Variants in ANXA8 observed in about 807,000 individuals in gnomAD.
ANXA8 encodes annexin A8.
ANXA8 carries 9 observed loss-of-function variants against 26.8 expected under a neutral mutation model. That is an observed-to-expected ratio of 0.34 (90% CI 0.20 to 0.59). The LOEUF is 0.59. Ranked by LOEUF, ANXA8 falls within the 20% of genes least tolerant of loss-of-function variation. ANXA8 has a pLI of 0.84. For synonymous variants in ANXA8, 39 were observed against 94.8 expected, an observed-to-expected ratio of 0.41 and a Z score of 3.42; for missense variants, 83 against 238.5, an observed-to-expected ratio of 0.35 and a Z score of 4.29.
the ANXA8 span, among the ~76,000 whole-genome samples, chr10:47,947,866 G>A: frequency 5.3e-5 from 8 of 150,764 alleles, 1 homozygote; most frequent in East Asian, 1.6e-3. Context: ...GGTTGTGGAT[G>A]TCTATCATGA....
the ANXA8 span, among the ~76,000 whole-genome samples, chr10:47,772,928 ATCC>A: frequency 3.0e-5 from 1 of 33,178 alleles, no homozygotes; most frequent in Non-Finnish European, 6.0e-5. Context: ...CTCCCTCATC[ATCC>A]TCCTTCACCT....
chr10:47,733,190 T>TTTCC, the ANXA8 span, among the ~76,000 whole-genome samples: 1 of 116,000 alleles, frequency 8.6e-6, no homozygotes, highest in African/African-American at 2.9e-5. Context: ...TCTTTCTTTC[T>TTTCC]TTCTTTCTTT....
At chr10:47,627,967 C>T in the ANXA8 span, among the ~76,000 whole-genome samples, 1 of 149,874 alleles carries the variant, frequency 6.7e-6, no homozygotes, top group Non-Finnish European at 1.5e-5. Context: ...GCTCTTATGA[C>T]TAGAGAGTGT....
At chr10:47,952,684 C>A in the ANXA8 span, among the ~76,000 whole-genome samples, 21 of 147,000 alleles carry the variant, frequency 1.4e-4, no homozygotes, top group African/African-American at 5.6e-4. Flanking sequence ...CTAGAATAAT[C>A]AAAGCAATTT....
the ANXA8 span, among the ~76,000 whole-genome samples, chr10:47,558,113 A>G: frequency 6.6e-6 from 1 of 151,982 alleles, no homozygotes; most frequent in African/African-American, 2.4e-5. Flanking sequence ...AAACATCTGG[A>G]TACCAGTTAA....
chr10:47,533,082 A>G, the ANXA8 span, among the ~76,000 whole-genome samples: 4 of 142,438 alleles, frequency 2.8e-5, no homozygotes, highest in East Asian at 9.2e-4. Context: ...AGGCCCCAGG[A>G]CCCTTAAGCC....
At chr10:47,581,103 A>G in the ANXA8 span, 1 of 192,376 alleles carries the variant, frequency 5.2e-6, no homozygotes, top group Non-Finnish European at 1.1e-5. Context: ...AAATTATACA[A>G]AAAAAAAAAG....
At chr10:47,987,083 T>C in the ANXA8 span, 1 of 446,350 alleles carries the variant, frequency 2.2e-6, no homozygotes, top group Non-Finnish European at 4.5e-6. Context: ...AAAGGCAGCC[T>C]GGGTACCCAG....
chr10:47,724,206 G>A, the ANXA8 span, among the ~76,000 whole-genome samples: 1 of 132,080 alleles, frequency 7.6e-6, no homozygotes, highest in Non-Finnish European at 1.6e-5. Flanking sequence ...AACCAAAATG[G>A]AAAGTCAGTG....
chr10:47,548,292 T>A, the ANXA8 span, among the ~76,000 whole-genome samples: 1 of 110,172 alleles, frequency 9.1e-6, no homozygotes, highest in East Asian at 5.8e-4. Context: ...ATATGGCTTA[T>A]TTTTTTGCTA....
the ANXA8 span, chr10:47,502,463 T>C: frequency 1.7e-4 from 276 of 1,612,882 alleles, 3 homozygotes; most frequent in South Asian, 2.9e-3. Flanking sequence ...GTGGACTTTA[T>C]TGAGGGTTTT....
the ANXA8 span, among the ~76,000 whole-genome samples, chr10:47,940,168 G>T: frequency 2.0e-5 from 3 of 150,718 alleles, no homozygotes; most frequent in Admixed American, 6.6e-5. Flanking sequence ...TGGGCACTTA[G>T]GGAATCTTAG....
the ANXA8 span, chr10:47,564,992 C>T: frequency 1.9e-6 from 2 of 1,042,294 alleles, no homozygotes; most frequent in Non-Finnish European, 3.0e-6. Flanking sequence ...AGTCATCGTC[C>T]ACCGTCTGGC....
At chr10:47,576,455 C>CTTTTTTT in the ANXA8 span, among the ~76,000 whole-genome samples, 1 of 74,172 alleles carries the variant, frequency 1.3e-5, no homozygotes, top group Non-Finnish European at 2.9e-5. Context: ...ACATCCCTAT[C>CTTTTTTT]TTTTTTTTTT....
the ANXA8 span, among the ~76,000 whole-genome samples, chr10:47,695,129 T>A: frequency 3.3e-5 from 5 of 150,718 alleles, no homozygotes; most frequent in East Asian, 9.8e-4. Flanking sequence ...TGTTGGATCA[T>A]GAAAAGTCTT....
At chr10:47,587,213 A>AAT in the ANXA8 span, among the ~76,000 whole-genome samples, 401 of 146,244 alleles carry the variant, frequency 2.7e-3, 3 homozygotes, top group African/African-American at 1.0e-2. Context: ...CAAAAAAAAA[A>AAT]AAAATAAAAA....
the ANXA8 span, among the ~76,000 whole-genome samples, chr10:47,955,404 A>C: frequency 2.0e-5 from 3 of 149,536 alleles, no homozygotes; most frequent in African/African-American, 7.4e-5. Context: ...GGATTTTGTC[A>C]TTGTGTGAAC....
chr10:47,752,949 A>C, the ANXA8 span: 1 of 77,084 alleles, frequency 1.3e-5, no homozygotes, highest in Non-Finnish European at 2.5e-5. Flanking sequence ...TCTACTAAAA[A>C]TAAAAAAAAT....
At chr10:47,560,553 T>C in the ANXA8 span, among the ~76,000 whole-genome samples, 1 of 151,928 alleles carries the variant, frequency 6.6e-6, no homozygotes, top group South Asian at 2.1e-4. Context: ...ATACTTGTTA[T>C]AGCAGTGGTA....
Sources: gnomAD v4.1 joint callset for allele counts (sites outside exome capture counted in the v4.1 genomes callset) on GRCh38, gnomAD v4.1.1 for gene constraint, MANE v1.5 for transcripts, NCBI Gene and HGNC (gene_info 2026-07-23, HGNC 2026-07-21) for gene names.